The following NRG1 variants were observed in gnomAD, a reference collection of about 807,000 sequenced individuals.
NRG1 encodes the protein neuregulin 1.
NRG1 carries 18 observed loss-of-function variants against 63.8 expected under a neutral mutation model. The ratio of observed to expected loss-of-function variants is 0.28; its 90% CI spans 0.19 to 0.42. NRG1 has a LOEUF of 0.42. Among genes scored for constraint, NRG1 ranks in the 10% least tolerant of loss-of-function variants. The pLI is 1.00. For missense variants in NRG1, 762 were observed against 814.7 expected (o/e 0.94, Z 0.79); for synonymous variants, 302 against 301.3 (o/e 1.00, Z -0.02).
chr8:32,640,274 C>CAT (rs1491127735), intron 5 of NRG1, among the ~76,000 whole-genome samples: 1 of 149,420 alleles, frequency 6.7e-6, no homozygotes, highest in Non-Finnish European at 1.5e-5. Flanking sequence ...CACACACACA[C>CAT]GCACGCACAC....
intron 1 of NRG1, among the ~76,000 whole-genome samples, chr8:32,404,791 G>T (rs1813734218): frequency 6.6e-6 from 1 of 151,848 alleles, no homozygotes; most frequent in Admixed American, 6.6e-5. Context: ...CACCATGGTG[G>T]CCAGGCTTGT....
At chr8:32,121,477 C>T (rs1833438807) in intron 1 of NRG1, among the ~76,000 whole-genome samples, 1 of 151,598 alleles carries the variant, frequency 6.6e-6, no homozygotes, top group Non-Finnish European at 1.5e-5. Flanking sequence ...TGGTGTGTTC[C>T]AGTTAATTTT....
chr8:32,391,264 G>A lies in NRG1; in HGVS notation c.38-204564G>A, dbSNP rs149818076. The stretch of plus-strand genomic sequence containing the variant: ...TCCCACCTCAGCCTCCCTAATAGCT[G>A]GGATTACAGGCATGCACCACCATGC... On this transcript the variant is annotated intron_variant, in intron 1 of 10. Coordinates refer to the NRG1 transcript ENST00000519301. 1.4e-4 allele frequency among the ~76,000 whole-genome samples: 21 copies of A among 152,028 alleles called. 1 individual carries two copies. In the East Asian group the frequency reaches 4.1e-3, roughly 30 times the overall value.
chr8:32,556,273 A>G (rs1430136583), intron 1 of NRG1, among the ~76,000 whole-genome samples: 1 of 152,248 alleles, frequency 6.6e-6, no homozygotes, highest in Non-Finnish European at 1.5e-5. Context: ...TTGAAGTAAT[A>G]CATAAAAGAA....
downstream of NRG1, among the ~76,000 whole-genome samples, chr8:32,772,039 ATGTATATATATATATATATATATATATAT>A (rs1564160505): frequency 0.071 from 3,205 of 45,252 alleles, 382 homozygotes; most frequent in African/African-American, 0.2. Flanking sequence ...AAAAAAAAAT[ATGTATATATATATATATATATATATATAT>A]ATATATATAT....
chr8:32,183,530 A>G (rs1267168733), intron 1 of NRG1, among the ~76,000 whole-genome samples: 1 of 152,226 alleles, frequency 6.6e-6, no homozygotes, highest in Non-Finnish European at 1.5e-5. Context: ...AAATTTCAAC[A>G]AGTGAACGTT....
At chr8:32,603,926 C>T (rs1844802578) in intron 2 of NRG1, among the ~76,000 whole-genome samples, 2 of 152,190 alleles carry the variant, frequency 1.3e-5, no homozygotes, top group South Asian at 4.1e-4. Context: ...CTTAAGCAAA[C>T]ATCCAGATAT....
At chr8:32,364,379 A>G (rs1220613112) in intron 1 of NRG1, among the ~76,000 whole-genome samples, 24 of 152,104 alleles carry the variant, frequency 1.6e-4, no homozygotes, top group Non-Finnish European at 4.4e-5. Context: ...TATATAAGAC[A>G]AAATATACAT....
intron 1 of NRG1, among the ~76,000 whole-genome samples, chr8:31,894,552 T>TG (rs1563536225): frequency 7.0e-6 from 1 of 142,094 alleles, no homozygotes; most frequent in African/African-American, 2.6e-5. Context: ...CTTTCTTTTT[T>TG]CTTTTTTTTT....
chr8:32,186,506 A>C (rs1841987295), intron 1 of NRG1, among the ~76,000 whole-genome samples: 1 of 152,056 alleles, frequency 6.6e-6, no homozygotes, highest in South Asian at 2.1e-4. Context: ...AAAAAAAAGA[A>C]AGAAAGAAAT....
intron 5 of NRG1, among the ~76,000 whole-genome samples, chr8:32,723,498 G>A (rs1821180619): frequency 6.6e-6 from 1 of 151,606 alleles, no homozygotes; most frequent in Non-Finnish European, 1.5e-5. Context: ...TGGCCAACAT[G>A]GTGAAACCCC....
chr8:32,040,750 CATATATAT>C (rs71208164), intron 1 of NRG1, among the ~76,000 whole-genome samples: 2 of 48,684 alleles, frequency 4.1e-5, no homozygotes, highest in African/African-American at 6.1e-5. Flanking sequence ...AATTTAGGCG[CATATATAT>C]ATATATATAT....
chr8:32,448,379 A>T (rs1820534776), intron 1 of NRG1, among the ~76,000 whole-genome samples: 1 of 152,314 alleles, frequency 6.6e-6, no homozygotes, highest in South Asian at 2.1e-4. Context: ...TTATTTTATC[A>T]ATAGGAATAA....
intron 5 of NRG1, among the ~76,000 whole-genome samples, chr8:32,690,958 T>G (rs1184593182): frequency 6.6e-6 from 1 of 151,372 alleles, no homozygotes; most frequent in East Asian, 1.9e-4. Context: ...TGTGTGTGTG[T>G]GTGTGTGTGT....
chr8:32,104,740 G>A (rs1436458028), intron 1 of NRG1, among the ~76,000 whole-genome samples: 1 of 151,750 alleles, frequency 6.6e-6, no homozygotes, highest in African/African-American at 2.4e-5. Flanking sequence ...ATTAGCCTAG[G>A]CCCACACAGG....
At chr8:32,315,608 C>T (rs1294115038) in intron 1 of NRG1, among the ~76,000 whole-genome samples, 1 of 152,194 alleles carries the variant, frequency 6.6e-6, no homozygotes, top group Admixed American at 6.5e-5. Context: ...CATTTATCTC[C>T]TAGAATATAA....
Position 32,466,297 on chromosome 8 carries a change from A to G in NRG1, c.38-129531A>G, listed in dbSNP as rs117622674. Among the ~76,000 whole-genome samples the G allele has an allele frequency of 2.8e-3, 425 of 151,754 alleles. 2 individuals are homozygous for G. The highest frequency in any genetic ancestry group is 6.8e-3 in the Middle Eastern group (2 of 294). ...AGCCATGTTTATACCCCTGCAATCC[A>G]GCTTGAGTGACAGAGTGAGACCCTA... On this transcript the variant is annotated intron_variant, in intron 1 of 10. Transcript: ENST00000519301.
chr8:32,509,042 G>A (rs1229891430), intron 1 of NRG1, among the ~76,000 whole-genome samples: 1 of 151,080 alleles, frequency 6.6e-6, no homozygotes, highest in African/African-American at 2.4e-5. Flanking sequence ...GCCTATACTT[G>A]TGTATACTTT....
At chr8:32,727,892 T>C in intron 5 of NRG1, 57 bp from the exon 6 acceptor site, 4 of 1,555,236 alleles carry the variant, frequency 2.6e-6, no homozygotes, top group Non-Finnish European at 3.5e-6. Context: ...GATTAAAGGC[T>C]GCTTAGAAGG....
Sources: gnomAD v4.1 joint callset for allele counts (sites outside exome capture counted in the v4.1 genomes callset) on GRCh38, gnomAD v4.1.1 for gene constraint, MANE v1.5 for transcripts, NCBI Gene and HGNC (gene_info 2026-07-23, HGNC 2026-07-21) for gene names.